The following ATAD2B variants were observed in gnomAD, a reference collection of about 807,000 sequenced individuals.
The protein encoded by ATAD2B is ATPase family AAA domain containing 2B, also known as ATPase family AAA domain-containing protein 2B.
In ATAD2B, 40 loss-of-function variants were observed where a neutral mutation model predicts 167.6. That is an observed-to-expected ratio of 0.24 (90% CI 0.19 to 0.31). ATAD2B has a LOEUF of 0.31. Ranked by LOEUF, ATAD2B falls within the 10% of genes least tolerant of loss-of-function variation. The pLI, the probability that ATAD2B is intolerant of heterozygous loss-of-function variation, is 1.00. For synonymous variants in ATAD2B, 579 were observed against 596.5 expected, an observed-to-expected ratio of 0.97 and a Z score of 0.43; for missense variants, 1,242 against 1,757.2, an observed-to-expected ratio of 0.71 and a Z score of 5.24.
At chr2:23,748,321 G>A (rs1002076740), downstream of ATAD2B, among the ~76,000 whole-genome samples, 9 of 152,114 alleles carry the variant, frequency 5.9e-5, no homozygotes, top group East Asian at 1.9e-4. Flanking sequence ...ATAACAACCC[G>A]ATAAAAAGGA....
chr2:23,836,233 C>T (rs898741886), intron 13 of ATAD2B, among the ~76,000 whole-genome samples: 3 of 152,186 alleles, frequency 2.0e-5, no homozygotes, highest in Non-Finnish European at 4.4e-5. Context: ...GGGCGGGCAG[C>T]TCCAGGTGTT....
intron 1 of ATAD2B, among the ~76,000 whole-genome samples, chr2:23,909,179 A>G (rs1300558774): frequency 1.3e-5 from 2 of 151,534 alleles, no homozygotes; most frequent in African/African-American, 4.9e-5. Context: ...AGTGTGAGGG[A>G]AAAAAAAGAA....
chr2:23,743,437 C>T, the ATAD2B span, among the ~76,000 whole-genome samples: 2 of 151,894 alleles, frequency 1.3e-5, no homozygotes, highest in Non-Finnish European at 2.9e-5. Context: ...GTGGCGCATG[C>T]CTGTAATCCC....
intron 22 of ATAD2B, among the ~76,000 whole-genome samples, chr2:23,766,637 C>T (rs1183664976): frequency 6.6e-6 from 1 of 152,190 alleles, no homozygotes; most frequent in Admixed American, 6.5e-5. Context: ...TGGCCACCCA[C>T]AGCAGTGAAC....
intron 17 of ATAD2B, among the ~76,000 whole-genome samples, chr2:23,812,867 G>T (rs1210711770): frequency 1.6e-5 from 2 of 122,204 alleles, no homozygotes; most frequent in African/African-American, 2.9e-5. Context: ...AAAAAAAAAT[G>T]CTACCAATTT....
intron 22 of ATAD2B, among the ~76,000 whole-genome samples, chr2:23,769,176 C>T (rs1677909825): frequency 6.6e-6 from 1 of 152,174 alleles, no homozygotes; most frequent in African/African-American, 2.4e-5. Flanking sequence ...CACGGGGGCT[C>T]ACGCCTGTAA....
At chr2:23,878,206 C>T (rs544448890) in intron 7 of ATAD2B, among the ~76,000 whole-genome samples, 34 of 151,724 alleles carry the variant, frequency 2.2e-4, no homozygotes, top group Non-Finnish European at 4.7e-4. Context: ...ACTAAAAATA[C>T]AAAAATTAGC....
chr2:23,885,945 T>G (rs1030913366), intron 4 of ATAD2B, 116 bp from the exon 5 acceptor site: 1 of 639,848 alleles, frequency 1.6e-6, no homozygotes, highest in Admixed American at 3.4e-5. Context: ...ACAACTTTTT[T>G]TTCTTTTTTG....
At position 23,864,795 on chromosome 2, in the gene ATAD2B, A is replaced by C; in HGVS notation, c.1304+14T>G. On this transcript the variant is annotated intron_variant, in intron 11 of 27. Coordinates refer to ENST00000238789, the MANE Select transcript of ATAD2B (RefSeq NM_017552.4). ...ACAGTAATAACAATAATAAACATCT[A>C]TGACATTGCTTACCTTGGAGGCTGA... is the stretch of plus-strand genomic sequence containing the variant. The C allele has an allele frequency of 7.8e-7, 1 of 1,281,146 alleles. No individual in the cohort carries two copies. The highest frequency in any genetic ancestry group is 2.1e-5 in the Admixed American group (1 of 47,710). 79.4% of individuals were successfully genotyped at this position (1,281,146 alleles called of 1,614,324 possible).
intron 19 of ATAD2B, among the ~76,000 whole-genome samples, chr2:23,789,890 T>C (rs543444197): frequency 3.3e-5 from 5 of 152,164 alleles, no homozygotes; most frequent in Non-Finnish European, 5.9e-5. Flanking sequence ...GACTAAATTA[T>C]ATAAACTGTC....
chr2:23,917,813 C>T (rs1470292285), intron 1 of ATAD2B, among the ~76,000 whole-genome samples: 1 of 151,950 alleles, frequency 6.6e-6, no homozygotes, highest in African/African-American at 2.4e-5. Flanking sequence ...AATCCCAGCA[C>T]TTTGGGAGGC....
chr2:23,882,577 G>A (rs1344894865), intron 6 of ATAD2B, among the ~76,000 whole-genome samples: 1 of 151,124 alleles, frequency 6.6e-6, no homozygotes, highest in African/African-American at 2.4e-5. Flanking sequence ...GGGAGGCCAA[G>A]GTGGGAGGAT....
At chr2:23,721,838 G>A in the ATAD2B span, among the ~76,000 whole-genome samples, 2 of 152,236 alleles carry the variant, frequency 1.3e-5, no homozygotes, top group African/African-American at 2.4e-5. Context: ...AACACAGGGA[G>A]CCCGACCCCA....
chr2:23,786,276 T>A (rs1680797720), intron 20 of ATAD2B, 53 bp from the exon 21 acceptor site: 1 of 1,355,150 alleles, frequency 7.4e-7, no homozygotes, highest in South Asian at 1.4e-5. Context: ...GCCAGGACCC[T>A]TTTTTGGCAT....
At position 23,813,356 on chromosome 2, in the gene ATAD2B, A is replaced by G. The variant is rs908750712; in HGVS notation, c.2268-2854T>C. 4.7e-5 allele frequency among the ~76,000 whole-genome samples: 7 copies of G among 148,342 alleles called. No individual in the cohort carries two copies. In the South Asian group the frequency reaches 1.0e-3, roughly 22 times the overall value. On this transcript the variant is annotated intron_variant, in intron 17 of 27. Transcript: ENST00000238789. ...TATAAAATAATATGAATTATAATAT[A>G]TAAGTTTATAGGAATATAAATGTAT...
intron 22 of ATAD2B, among the ~76,000 whole-genome samples, chr2:23,772,554 C>CA (rs200998023): frequency 0.015 from 2,272 of 152,124 alleles, 22 homozygotes; most frequent in Non-Finnish European, 0.022. Context: ...TAAAATAACT[C>CA]AATGATTGGT....
intron 7 of ATAD2B, among the ~76,000 whole-genome samples, chr2:23,878,008 T>A (rs1697199967): frequency 1.3e-4 from 3 of 22,712 alleles, no homozygotes; most frequent in South Asian, 2.5e-3. Flanking sequence ...TGACCCTATC[T>A]CCAAAGAAAA....
chr2:23,778,558 A>G (rs1679518838), intron 22 of ATAD2B, among the ~76,000 whole-genome samples: 1 of 152,212 alleles, frequency 6.6e-6, no homozygotes, highest in African/African-American at 2.4e-5. Context: ...AAATTAAAGC[A>G]CAATTTAAAT....
At chr2:23,763,604 T>TG (rs775158218) in intron 23 of ATAD2B, among the ~76,000 whole-genome samples, 15 of 152,192 alleles carry the variant, frequency 9.9e-5, no homozygotes, top group South Asian at 2.1e-4. Context: ...GGGTTTTTTT[T>TG]GTTGAGACAA....
Sources: gnomAD v4.1 joint callset for allele counts (sites outside exome capture counted in the v4.1 genomes callset) on GRCh38, gnomAD v4.1.1 for gene constraint, MANE v1.5 for transcripts, NCBI Gene and HGNC (gene_info 2026-07-23, HGNC 2026-07-21) for gene names.